The following OVCH2 variants were observed in gnomAD, a reference collection of about 807,000 sequenced individuals.
The protein encoded by OVCH2 is ovochymase-2.
OVCH2 carries 88 observed loss-of-function variants against 73.7 expected under a neutral mutation model. That is an observed-to-expected ratio of 1.19 (90% confidence interval 1.01 to 1.43). The LOEUF (loss-of-function observed/expected upper bound fraction) is 1.43. Ranked by LOEUF, OVCH2 falls within the 40% of genes most tolerant of loss-of-function variation. The pLI is 0.00. For missense variants in OVCH2, 706 were observed against 674.5 expected (o/e 1.05, Z -0.52); for synonymous variants, 265 against 234.5 (o/e 1.13, Z -1.19).
rs892294689 is a variant in OVCH2 at position 7,689,726 on chromosome 11, GC to G, written c.*32-125del. The stretch of plus-strand genomic sequence containing the variant: ...AGGACACTAGTCATACTGGATTAGG[GC>G]CCAGGCTAATAACCTCATTTTAACT... On this transcript the variant is annotated intron_variant, in intron 15 of 15. Transcript: ENST00000533663. 3 of 663,366 alleles carry G rather than the reference GC, an allele frequency of 4.5e-6. No homozygotes were observed. In the African/African-American group the frequency reaches 5.3e-5, roughly 12 times the overall value. 41.1% of individuals were successfully genotyped at this position (663,366 alleles called of 1,614,324 possible).
intron 12 of OVCH2, among the ~76,000 whole-genome samples, chr11:7,694,761 G>T (rs1035143142): frequency 1.4e-5 from 2 of 146,126 alleles, no homozygotes; most frequent in Non-Finnish European, 3.0e-5. Context: ...ACAGGCGCCC[G>T]CCACCGCGCC....
chr11:7,695,927 A>G (rs1043053838), intron 10 of OVCH2, among the ~76,000 whole-genome samples: 4 of 152,178 alleles, frequency 2.6e-5, no homozygotes, highest in Admixed American at 2.6e-4. Context: ...GGCCTCTACC[A>G]GTGACAATTC....
intron 2 of OVCH2, 147 bp downstream of exon 2, chr11:7,704,418 T>C (rs1328013094): frequency 5.2e-6 from 3 of 580,278 alleles, no homozygotes; most frequent in Non-Finnish European, 9.2e-6. Flanking sequence ...CTTTTTCTTA[T>C]GACATTCATC....
the OVCH2 span, among the ~76,000 whole-genome samples, chr11:7,680,577 T>C: frequency 6.9e-4 from 105 of 152,208 alleles, no homozygotes; most frequent in African/African-American, 2.5e-3. Flanking sequence ...AGAATGAACT[T>C]TGAAGATGGG....
intron 4 of OVCH2, 147 bp downstream of exon 4, chr11:7,702,010 G>T: frequency 2.3e-6 from 2 of 854,174 alleles, no homozygotes; most frequent in Non-Finnish European, 3.6e-6. Context: ...AGAACCACAA[G>T]CAAAAAGAGT....
chr11:7,697,742 G>A (rs12288756), intron 8 of OVCH2, among the ~76,000 whole-genome samples: 7,217 of 151,970 alleles, frequency 0.047, 535 homozygotes, highest in African/African-American at 0.16. Context: ...TCATTCTGTG[G>A]ATATTGCCTT....
Position 7,691,997 on chromosome 11 carries a change from T to A in OVCH2, c.1414-2A>T. ...TATTTCCAGACTCTGAAATGAAAGCTGAGAAGACACGAAGTTACATCCAGA... is the reference window on the plus strand; with the variant it reads ...TATTTCCAGACTCTGAAATGAAAGCAGAGAAGACACGAAGTTACATCCAGA... On this transcript the variant is annotated splice_acceptor_variant, in intron 12 of 15. Transcript: ENST00000533663. LOFTEE classifies it high-confidence loss of function. 3 of 1,558,390 alleles carry A rather than the reference T, an allele frequency of 1.9e-6. No individual in the cohort carries two copies. Among genetic ancestry groups the A allele is most frequent in the Non-Finnish European group, 2.6e-6 (3 of 1,148,952 alleles).
At chr11:7,692,030 A>G (rs1375034175) in intron 12 of OVCH2, 35 bp from the exon 13 acceptor site, 8 of 1,403,804 alleles carry the variant, frequency 5.7e-6, no homozygotes, top group Admixed American at 2.0e-5. Context: ...AGAGTAAACA[A>G]TCTGAATGAA....
chr11:7,701,846 C>A, intron 4 of OVCH2, 35 bp from the exon 5 acceptor site: 1 of 1,550,470 alleles, frequency 6.4e-7, no homozygotes, highest in South Asian at 1.2e-5. Context: ...TTGTCTCATT[C>A]ATGGAGGAGA....
At chr11:7,694,498 A>T (rs1856283654) in intron 12 of OVCH2, among the ~76,000 whole-genome samples, 1 of 152,108 alleles carries the variant, frequency 6.6e-6, no homozygotes, top group Non-Finnish European at 1.5e-5. Context: ...TTTTGGCCTG[A>T]TTGACCTTGA....
At chr11:7,701,091 C>A (rs1856429285) in intron 6 of OVCH2, among the ~76,000 whole-genome samples, 1 of 152,128 alleles carries the variant, frequency 6.6e-6, no homozygotes, top group African/African-American at 2.4e-5. Context: ...TTCCTGCAGC[C>A]CCTCACCTGA....
intron 5 of OVCH2, 65 bp downstream of exon 5, chr11:7,701,651 A>AT: frequency 6.6e-7 from 1 of 1,520,624 alleles, no homozygotes; most frequent in Non-Finnish European, 9.0e-7. Context: ...TAAAAATTCC[A>AT]TTTTCTGATT....
At chr11:7,689,824 T>TCC (rs1355825821) in intron 15 of OVCH2, 100 bp downstream of exon 15, 1 of 757,330 alleles carries the variant, frequency 1.3e-6, no homozygotes, top group Non-Finnish European at 2.3e-6. Flanking sequence ...GACTCTAGTA[T>TCC]ATTTTGGAGG....
chr11:7,697,449 C>T (rs1856358662), intron 8 of OVCH2, among the ~76,000 whole-genome samples: 1 of 152,198 alleles, frequency 6.6e-6, no homozygotes, highest in East Asian at 1.9e-4. Flanking sequence ...GGACCAGGTT[C>T]ATTCACACCC....
At chr11:7,680,055 ATAAC>A in the OVCH2 span, among the ~76,000 whole-genome samples, 1 of 152,212 alleles carries the variant, frequency 6.6e-6, no homozygotes, top group Non-Finnish European at 1.5e-5. Context: ...AATGATCAAC[ATAAC>A]TAACATGATT....
chr11:7,689,933 T>C lies in OVCH2; in HGVS notation c.*22A>G, dbSNP rs1332208099. On this transcript the variant is annotated 3_prime_UTR_variant, in exon 15 of 16. Coordinates refer to ENST00000533663, the MANE Select transcript of OVCH2 (RefSeq NM_198185.7). ...CCCCAAAACAGCTTACCAGAAACATTGGTTTCTCCATTTGGCACATCTCAT... is the reference window on the plus strand; with the variant it reads ...CCCCAAAACAGCTTACCAGAAACATCGGTTTCTCCATTTGGCACATCTCAT... 1 of 1,498,792 alleles carries C rather than the reference T, an allele frequency of 6.7e-7. No homozygotes were observed. The highest frequency in any genetic ancestry group is 9.0e-7 in the Non-Finnish European group (1 of 1,113,062). The allele number at this position is 1,498,792 out of a possible 1,614,324, so 92.8% of individuals were successfully genotyped here.
At chr11:7,694,443 T>G (rs1856282649) in intron 12 of OVCH2, among the ~76,000 whole-genome samples, 1 of 152,080 alleles carries the variant, frequency 6.6e-6, no homozygotes, top group Admixed American at 6.6e-5. Flanking sequence ...TCTGCGCTGG[T>G]TCCTCTAGGC....
chr11:7,685,446 G>A (rs1856132157), downstream of OVCH2, among the ~76,000 whole-genome samples: 1 of 152,180 alleles, frequency 6.6e-6, no homozygotes, highest in Admixed American at 6.5e-5. Flanking sequence ...AGGAAACTCA[G>A]GATACCTTCC....
Position 7,706,319 on chromosome 11 carries a change from A to T in OVCH2, c.76T>A (p.Ser26Thr). The T allele has an allele frequency of 6.3e-7, 1 of 1,588,532 alleles. No individual in the cohort carries two copies. Among genetic ancestry groups the T allele is most frequent in the East Asian group, 2.3e-5 (1 of 44,346 alleles). The change falls in exon 1 of 16, where the codon TCG (serine) becomes ACG (threonine). Residue 26 changes from serine (S) to threonine (T), a missense_variant. Transcript: ENST00000533663. ...ATTTGAAACTTACCTTTGGGGAGCGAAAGAGTTGCAGATTTACCTCGTTCA... is the reference window on the plus strand; with the variant it reads ...ATTTGAAACTTACCTTTGGGGAGCGTAAGAGTTGCAGATTTACCTCGTTCA... ...FFERGKSATL[S>T]LPKAPSCGQS...
Sources: gnomAD v4.1 joint callset for allele counts (sites outside exome capture counted in the v4.1 genomes callset) on GRCh38, gnomAD v4.1.1 for gene constraint, MANE v1.5 for transcripts, NCBI Gene and HGNC (gene_info 2026-07-23, HGNC 2026-07-21) for gene names.